The following ST8SIA1 variants were observed in gnomAD, a reference collection of about 807,000 sequenced individuals.
ST8SIA1 encodes the protein alpha-N-acetylneuraminide alpha-2,8-sialyltransferase.
In ST8SIA1, 16 loss-of-function variants were observed where a neutral mutation model predicts 35.9. The ratio of observed to expected loss-of-function variants is 0.45; its 90% CI spans 0.30 to 0.68. The LOEUF (loss-of-function observed/expected upper bound fraction) is 0.68. Among genes scored for constraint, ST8SIA1 ranks in the 30% least tolerant of loss-of-function variants. The pLI, the probability that ST8SIA1 is intolerant of heterozygous loss-of-function variation, is 0.09. For synonymous variants in ST8SIA1, 170 were observed against 169.6 expected, an observed-to-expected ratio of 1.00 and a Z score of -0.02; for missense variants, 383 against 453.6, an observed-to-expected ratio of 0.84 and a Z score of 1.41.
At chr12:22,269,030 TC>T (rs1294499381) in intron 2 of ST8SIA1, among the ~76,000 whole-genome samples, 1 of 152,214 alleles carries the variant, frequency 6.6e-6, no homozygotes, top group Non-Finnish European at 1.5e-5. Context: ...GCCAGATTTA[TC>T]TTAACTGGTA....
At chr12:22,224,226 T>C (rs1361771756) in intron 4 of ST8SIA1, among the ~76,000 whole-genome samples, 1 of 152,096 alleles carries the variant, frequency 6.6e-6, no homozygotes, top group Non-Finnish European at 1.5e-5. Flanking sequence ...GTGACTTTTC[T>C]ACCTCTACAT....
chr12:22,281,517 C>T (rs558024769), intron 2 of ST8SIA1, among the ~76,000 whole-genome samples: 1 of 152,256 alleles, frequency 6.6e-6, no homozygotes, highest in African/African-American at 2.4e-5. Flanking sequence ...GCAAGGTTTC[C>T]CCTTTATAAA....
At position 22,199,450 on chromosome 12, in the gene ST8SIA1, A is replaced by G. The variant is rs1273124840; in HGVS notation, c.*2102T>C. 6.6e-6 allele frequency: 1 copy of G among 152,168 alleles called. No individual in the cohort carries two copies. Among genetic ancestry groups the G allele is most frequent in the Non-Finnish European group, 1.5e-5 (1 of 68,028 alleles). The allele number at this position is 152,168 out of a possible 1,614,324, so 9.4% of individuals were successfully genotyped here. A position where few individuals can be genotyped will look rare whatever the true frequency, so the allele number is the denominator to read the frequency against. On this transcript the variant is annotated 3_prime_UTR_variant, in exon 5 of 5. Coordinates refer to ENST00000396037, the MANE Select transcript of ST8SIA1 (RefSeq NM_003034.4). ...GTATTCTTTTTTAGGTAACTGCTAAATAACAGTAGCTCAAAAGAGGAAACA... is the reference window on the plus strand; with the variant it reads ...GTATTCTTTTTTAGGTAACTGCTAAGTAACAGTAGCTCAAAAGAGGAAACA...
At chr12:22,298,915 G>T (rs990465112) in intron 1 of ST8SIA1, among the ~76,000 whole-genome samples, 16 of 151,818 alleles carry the variant, frequency 1.1e-4, no homozygotes, top group African/African-American at 3.9e-4. Context: ...CAAAAGTAGA[G>T]ATTTTTTTTT....
chr12:22,238,166 C>CCA (rs1041172214), intron 4 of ST8SIA1, among the ~76,000 whole-genome samples: 5 of 151,972 alleles, frequency 3.3e-5, no homozygotes, highest in East Asian at 1.9e-4. Context: ...TGAGAACTCC[C>CCA]CCCCCAACAA....
At chr12:22,225,802 C>T (rs1365479365) in intron 4 of ST8SIA1, among the ~76,000 whole-genome samples, 1 of 152,188 alleles carries the variant, frequency 6.6e-6, no homozygotes, top group Non-Finnish European at 1.5e-5. Flanking sequence ...ACAAGAACCA[C>T]TGTTTGCTCA....
chr12:22,293,595 C>G (rs899897641), intron 1 of ST8SIA1, among the ~76,000 whole-genome samples: 1 of 152,182 alleles, frequency 6.6e-6, no homozygotes, highest in Non-Finnish European at 1.5e-5. Flanking sequence ...TGTTCCCAAG[C>G]CTCTATTAGA....
chr12:22,231,243 T>C (rs1228850300), intron 4 of ST8SIA1, among the ~76,000 whole-genome samples: 1 of 151,312 alleles, frequency 6.6e-6, no homozygotes, highest in Admixed American at 6.6e-5. Context: ...TTGCACGTGA[T>C]TTTCCAAAGA....
At chr12:22,296,140 G>A (rs114536124) in intron 1 of ST8SIA1, among the ~76,000 whole-genome samples, 2,409 of 152,228 alleles carry the variant, frequency 0.016, 46 homozygotes, top group African/African-American at 0.056. Flanking sequence ...AGCATGCCTG[G>A]TATGCTGAAA....
At chr12:22,305,750 T>C (rs1866376517) in intron 1 of ST8SIA1, among the ~76,000 whole-genome samples, 1 of 152,196 alleles carries the variant, frequency 6.6e-6, no homozygotes. Flanking sequence ...TTCTATAAGG[T>C]GTCAAAATTT....
chr12:22,231,815 C>T (rs1348879193), intron 4 of ST8SIA1, among the ~76,000 whole-genome samples: 3 of 152,096 alleles, frequency 2.0e-5, no homozygotes, highest in South Asian at 2.1e-4. Context: ...CCTCATGATC[C>T]GCCTGCCTCA....
At chr12:22,292,185 T>G (rs1866184929) in intron 1 of ST8SIA1, among the ~76,000 whole-genome samples, 1 of 152,146 alleles carries the variant, frequency 6.6e-6, no homozygotes, top group Admixed American at 6.6e-5. Flanking sequence ...AAGTTAAATG[T>G]TAAATCTGCC....
intron 4 of ST8SIA1, 29 bp downstream of exon 4, chr12:22,248,977 C>T (rs4762896): frequency 0.22 from 337,948 of 1,527,574 alleles, 39,008 homozygotes; most frequent in Middle Eastern, 0.32. Context: ...CATCTTCGTT[C>T]GTCACAAACA....
At chr12:22,223,823 C>T (rs956142361) in intron 4 of ST8SIA1, 2 of 1,194,136 alleles carry the variant, frequency 1.7e-6, no homozygotes, top group Non-Finnish European at 2.1e-6. Flanking sequence ...AATTATATTC[C>T]CTGCAATATC....
At chr12:22,274,671 C>A (rs180949066) in intron 2 of ST8SIA1, among the ~76,000 whole-genome samples, 1 of 152,270 alleles carries the variant, frequency 6.6e-6, no homozygotes, top group African/African-American at 2.4e-5. Context: ...GGTGACTGTC[C>A]ACACACCATC....
At chr12:22,246,309 A>G (rs1865601094) in intron 4 of ST8SIA1, among the ~76,000 whole-genome samples, 2 of 152,156 alleles carry the variant, frequency 1.3e-5, no homozygotes, top group Non-Finnish European at 2.9e-5. Context: ...GAAAAACACA[A>G]ACACACTTGG....
intron 2 of ST8SIA1, 55 bp downstream of exon 2, chr12:22,287,094 T>C (rs1866109329): frequency 6.5e-6 from 10 of 1,534,682 alleles, no homozygotes; most frequent in Non-Finnish European, 8.8e-6. Context: ...ATCCCTTTTC[T>C]ATGACAGCAA....
At chr12:22,325,964 A>T in intron 1 of ST8SIA1, 1 of 669,800 alleles carries the variant, frequency 1.5e-6, no homozygotes, top group Non-Finnish European at 2.7e-6. Flanking sequence ...ATCCCAGGCA[A>T]GACATAGTGG....
chr12:22,258,362 G>T (rs1384278047), intron 2 of ST8SIA1, among the ~76,000 whole-genome samples: 1 of 152,040 alleles, frequency 6.6e-6, no homozygotes, highest in Non-Finnish European at 1.5e-5. Context: ...CAGGGAGTTG[G>T]TCTTTCCTGG....
Sources: allele counts gnomAD v4.1 joint callset (sites outside exome capture counted in the v4.1 genomes callset), GRCh38; gene constraint gnomAD v4.1.1; transcripts MANE v1.5; gene names NCBI Gene and HGNC (gene_info 2026-07-23, HGNC 2026-07-21).